MSRB3: variants seen among roughly 807,000 people sequenced by gnomAD.
The protein encoded by MSRB3 is methionine-R-sulfoxide reductase B3.
Under a neutral mutation model 21.0 loss-of-function variants are expected in MSRB3, and 13 were observed. The ratio of observed to expected loss-of-function variants is 0.62; its 90% CI spans 0.40 to 0.98. The LOEUF (loss-of-function observed/expected upper bound fraction) is 0.98, where lower values mean the gene tolerates loss of function less well. Ranked by LOEUF, MSRB3 falls within the 50% of genes least tolerant of loss-of-function variation. MSRB3 has a pLI of 0.00. For synonymous variants in MSRB3, 87 were observed against 88.6 expected (o/e 0.98, Z 0.10); for missense variants, 199 against 230.3 (o/e 0.86, Z 0.88).
rs1241896255 is a variant in MSRB3, at chr12:65,464,048, GT to G, written c.*727del. 6.6e-6 allele frequency: 1 copy of G among 152,344 alleles called. No homozygotes were observed. Among genetic ancestry groups the G allele is most frequent in the Non-Finnish European group, 1.5e-5 (1 of 68,148 alleles). The allele number at this position is 152,344 out of a possible 1,614,324, so 9.4% of individuals were successfully genotyped here. ...CCAGCACTTTGGGAGGCCAAGGCGGGTGGATCACGAGGTCAGGAGATGGAGA... is the reference window on the plus strand; with the variant it reads ...CCAGCACTTTGGGAGGCCAAGGCGGGGGATCACGAGGTCAGGAGATGGAGA... On this transcript the variant is annotated 3_prime_UTR_variant, in exon 7 of 7. Coordinates refer to ENST00000308259, the MANE Select transcript of MSRB3 (RefSeq NM_001031679.3).
intron 4 of MSRB3, among the ~76,000 whole-genome samples, chr12:65,361,944 C>A (rs935401377): frequency 3.3e-5 from 5 of 152,030 alleles, no homozygotes; most frequent in Non-Finnish European, 5.9e-5. Flanking sequence ...AATTAATGGG[C>A]ACCTTTTATT....
At chr12:65,429,900 C>T (rs571539405) in intron 5 of MSRB3, among the ~76,000 whole-genome samples, 6 of 152,132 alleles carry the variant, frequency 3.9e-5, no homozygotes, top group Non-Finnish European at 8.8e-5. Context: ...GATCCAGCAA[C>T]CTAAAATAAT....
chr12:65,449,081 T>A (rs1286857975), intron 5 of MSRB3, among the ~76,000 whole-genome samples: 1 of 152,174 alleles, frequency 6.6e-6, no homozygotes, highest in African/African-American at 2.4e-5. Flanking sequence ...CAGGCTGGAG[T>A]GCAGTGGTGC....
At chr12:65,297,225 G>A (rs1276530231) in intron 1 of MSRB3, among the ~76,000 whole-genome samples, 1 of 152,070 alleles carries the variant, frequency 6.6e-6, no homozygotes, top group Non-Finnish European at 1.5e-5. Flanking sequence ...GTTGGAGGGT[G>A]GGGTGAGGGG....
chr12:65,399,913 T>A (rs1880026778), intron 5 of MSRB3, among the ~76,000 whole-genome samples: 1 of 152,350 alleles, frequency 6.6e-6, no homozygotes, highest in South Asian at 2.1e-4. Flanking sequence ...TTTATTGATT[T>A]GCACATGTCG....
At chr12:65,455,823 A>G (rs958816452) in intron 6 of MSRB3, among the ~76,000 whole-genome samples, 1 of 151,822 alleles carries the variant, frequency 6.6e-6, no homozygotes, top group Non-Finnish European at 1.5e-5. Context: ...GGCAACCTCC[A>G]CCCGCCGAGC....
intron 5 of MSRB3, among the ~76,000 whole-genome samples, chr12:65,430,275 G>A (rs1881813144): frequency 6.6e-6 from 1 of 152,102 alleles, no homozygotes; most frequent in Non-Finnish European, 1.5e-5. Flanking sequence ...GTGGACTATA[G>A]AATCAAACCA....
At chr12:65,399,353 A>G (rs1447623482) in intron 5 of MSRB3, among the ~76,000 whole-genome samples, 1 of 151,824 alleles carries the variant, frequency 6.6e-6, no homozygotes, top group Non-Finnish European at 1.5e-5. Context: ...TAGGTATTTT[A>G]TTCTCTTTGT....
At chr12:65,420,623 C>T (rs1335579277) in intron 5 of MSRB3, among the ~76,000 whole-genome samples, 1 of 152,096 alleles carries the variant, frequency 6.6e-6, no homozygotes, top group African/African-American at 2.4e-5. Context: ...TCCTTTCCCT[C>T]CTCCTGCCCT....
At chr12:65,322,892 C>T (rs986065818) in intron 2 of MSRB3, among the ~76,000 whole-genome samples, 1 of 152,062 alleles carries the variant, frequency 6.6e-6, no homozygotes, top group Non-Finnish European at 1.5e-5. Flanking sequence ...AGACATGTGC[C>T]TGGCATGTAG....
chr12:65,380,068 G>T (rs1243404985), intron 5 of MSRB3, among the ~76,000 whole-genome samples: 1 of 152,202 alleles, frequency 6.6e-6, no homozygotes, highest in Admixed American at 6.5e-5. Context: ...AGTCCTAAAA[G>T]AATTTAGAAG....
chr12:65,373,110 G>T (rs1366109235), intron 5 of MSRB3, among the ~76,000 whole-genome samples: 1 of 152,082 alleles, frequency 6.6e-6, no homozygotes, highest in Non-Finnish European at 1.5e-5. Flanking sequence ...GGATGAGGGT[G>T]AAAAGACCAG....
chr12:65,450,127 A>T (rs375645550), intron 5 of MSRB3, among the ~76,000 whole-genome samples: 12 of 150,980 alleles, frequency 7.9e-5, no homozygotes, highest in Admixed American at 5.9e-4. Context: ...TAAAAAAAAA[A>T]TCCATTCTAG....
chr12:65,285,625 A>C (rs1041987607), intron 1 of MSRB3: 6 of 152,466 alleles, frequency 3.9e-5, no homozygotes, highest in African/African-American at 9.6e-5. Flanking sequence ...ACTTGAGTCC[A>C]GCCTGGGCGG....
chr12:65,441,470 G>T (rs1353896490), intron 5 of MSRB3, among the ~76,000 whole-genome samples: 1 of 151,940 alleles, frequency 6.6e-6, no homozygotes, highest in Non-Finnish European at 1.5e-5. Context: ...TTGTATCTGT[G>T]TATTTTAAAA....
intron 1 of MSRB3, among the ~76,000 whole-genome samples, chr12:65,293,888 C>G (rs1488927775): frequency 2.6e-5 from 4 of 152,122 alleles, no homozygotes; most frequent in South Asian, 4.1e-4. Flanking sequence ...TTTAATCTTT[C>G]AGTGTGACAA....
chr12:65,349,056 C>G (rs1418407063), intron 4 of MSRB3, among the ~76,000 whole-genome samples: 1 of 152,052 alleles, frequency 6.6e-6, no homozygotes, highest in Non-Finnish European at 1.5e-5. Context: ...TATCCCTCCC[C>G]CTTCTCCCCA....
chr12:65,377,905 A>G (rs1878722715), intron 5 of MSRB3, among the ~76,000 whole-genome samples: 1 of 152,174 alleles, frequency 6.6e-6, no homozygotes, highest in Admixed American at 6.5e-5. Flanking sequence ...TCTGAGGTTA[A>G]CTCATAGTTA....
chr12:65,360,214 G>A (rs1877622990), intron 4 of MSRB3, among the ~76,000 whole-genome samples: 1 of 152,030 alleles, frequency 6.6e-6, no homozygotes, highest in African/African-American at 2.4e-5. Context: ...TGAGATATTA[G>A]GGGTTAAAAT....
Sources: allele counts gnomAD v4.1 joint callset (sites outside exome capture counted in the v4.1 genomes callset), GRCh38; gene constraint gnomAD v4.1.1; transcripts MANE v1.5; gene names NCBI Gene and HGNC (gene_info 2026-07-23, HGNC 2026-07-21).